The following CTU2 variants were observed in gnomAD, a reference collection of about 807,000 sequenced individuals.
The protein encoded by CTU2 is cytoplasmic tRNA 2-thiolation protein 2.
In CTU2, 80 loss-of-function variants were observed where a neutral mutation model predicts 64.1. That is an observed-to-expected ratio of 1.25 (90% CI 1.04 to 1.50). The LOEUF (loss-of-function observed/expected upper bound fraction) is 1.50. CTU2 is among the 40% of genes most tolerant of loss of function. CTU2 has a pLI of 0.00. For missense variants in CTU2, 1,110 were observed against 690.2 expected, an observed-to-expected ratio of 1.61 and a Z score of -6.81; for synonymous variants, 482 against 285.3, an observed-to-expected ratio of 1.69 and a Z score of -6.95.
intron 2 of CTU2, among the ~76,000 whole-genome samples, chr16:88,707,846 A>G (rs775989264): frequency 6.6e-6 from 1 of 151,404 alleles, no homozygotes; most frequent in African/African-American, 2.4e-5. Context: ...TCTGTCACCC[A>G]GGCTGGAGTG....
chr16:88,712,105 A>G, intron 5 of CTU2, 169 bp from the exon 6 acceptor site: 1 of 722,618 alleles, frequency 1.4e-6, no homozygotes, highest in Non-Finnish European at 2.5e-6. Context: ...GTCAGCCGCA[A>G]GAGAGAAACC....
chr16:88,710,012 A>G lies in CTU2; in HGVS notation c.218A>G (p.Glu73Gly), dbSNP rs1232527186. 6.2e-7 allele frequency: 1 copy of G among 1,613,684 alleles called. No homozygotes were observed. The highest frequency in any genetic ancestry group is 1.7e-5 in the Admixed American group (1 of 60,006). The change falls in exon 3 of 15, where the codon GAG (glutamate) becomes GGG (glycine). Residue 73 changes from glutamate to glycine, a missense_variant. By Grantham distance (98) the Glu-to-Gly change is moderately conservative. Transcript: ENST00000453996. The part of the protein sequence containing the change: ...LGKNRLIFPG[E>G]KVLLAWSGGP... ...AAGAACCGGCTCATCTTTCCAGGCGAGAAGGTAGCGTCTGGGTCCTGGGGG... is the reference window on the plus strand; with the variant it reads ...AAGAACCGGCTCATCTTTCCAGGCGGGAAGGTAGCGTCTGGGTCCTGGGGG...
rs757607044 is a variant in CTU2, at chr16:88,714,177, C to T, written c.1047C>T (p.Phe349=). 1.9e-6 allele frequency: 3 copies of T among 1,612,762 alleles called. No homozygotes were observed. The highest frequency in any genetic ancestry group is 1.1e-5 in the South Asian group (1 of 91,090). Residue 349 remains phenylalanine, a synonymous_variant, in exon 10 of 15, where the codon TTC becomes TTT. Transcript: ENST00000453996. ...GCATCCACCGGCTGATGGAGGCCTT[C>T]ATCCTCAGGCTGCAGACCCAGTTCC... is the stretch of plus-strand genomic sequence containing the variant. ...KASIHRLMEA[F]ILRLQTQFPS... is the part of the protein sequence containing the mutation.
In CTU2 at chr16:88,712,780, C is replaced by T. The variant is rs150639758; in HGVS notation, c.612C>T (p.Pro204=). Residue 204 remains proline (P), a synonymous_variant, in exon 7 of 15, where the codon CCC becomes CCT. Transcript: ENST00000453996. ...PGPTQGEEQP[P]QPPLDPQNLA... Reference sequence around the variant, plus strand: ...CGACTCAAGGGGAGGAACAGCCACCCCAGCCCCCGCTGGACCCCCAGAACC... The same window carrying T: ...CGACTCAAGGGGAGGAACAGCCACCTCAGCCCCCGCTGGACCCCCAGAACC... The T allele has an allele frequency of 2.0e-5, 32 of 1,608,054 alleles. No homozygotes were observed. Among genetic ancestry groups the T allele is most frequent in the Non-Finnish European group, 2.7e-5 (32 of 1,177,914 alleles).
intron 8 of CTU2, 82 bp from the exon 9 acceptor site, chr16:88,713,565 G>T: frequency 6.4e-7 from 1 of 1,566,668 alleles, no homozygotes; most frequent in Non-Finnish European, 8.7e-7. Context: ...GGTGGGGTCT[G>T]TGACCTCCCC....
Position 88,714,968 on chromosome 16 carries a change from C to T in CTU2, c.1419+42C>T, listed in dbSNP as rs150071367. 1.0e-3 allele frequency: 1,635 copies of T among 1,590,414 alleles called. 2 individuals are homozygous for T. The highest frequency in any genetic ancestry group is 1.5e-3 in the Middle Eastern group (9 of 6,024). ...CTGTCCTGGGCCGGGCTTGGGGACG[C>T]GGGAAGGCCGTCACCTCGTGGGTGG... On this transcript the variant is annotated intron_variant, in intron 13 of 14. Coordinates refer to ENST00000453996, the MANE Select transcript of CTU2 (RefSeq NM_001012759.3).
At chr16:88,712,174 G>A (rs1243000071) in intron 5 of CTU2, 100 bp from the exon 6 acceptor site, 10 of 1,002,360 alleles carry the variant, frequency 1.0e-5, no homozygotes, top group Non-Finnish European at 1.5e-5. Flanking sequence ...CCGCCCTGCG[G>A]AGCGAGGCCT....
intron 1 of CTU2, 192 bp from the exon 2 acceptor site, chr16:88,706,944 C>A: frequency 1.7e-6 from 1 of 603,868 alleles, no homozygotes; most frequent in Non-Finnish European, 2.9e-6. Context: ...CTTTTCTAGG[C>A]TAAACATCCC....
rs753981788 is a variant in CTU2 at position 88,713,429 on chromosome 16, C to T, written c.855C>T (p.Ala285=). The T allele has an allele frequency of 2.4e-5, 38 of 1,585,258 alleles. No individual in the cohort carries two copies. The highest frequency in any genetic ancestry group is 1.8e-4 in the East Asian group (8 of 44,078). The stretch of plus-strand genomic sequence containing the variant: ...CCAACCTGGCGCTGGGTCGAGGGGC[C>T]TTCCTGGCCTGGGATACGGTAGGCA... The part of the protein sequence containing the change: ...LMTNLALGRG[A]FLAWDTGFSD... Residue 285 remains alanine (A), a synonymous_variant, in exon 8 of 15, where the codon GCC becomes GCT. Transcript: ENST00000453996.
intron 2 of CTU2, among the ~76,000 whole-genome samples, chr16:88,707,779 G>C (rs1042880233): frequency 6.9e-6 from 1 of 145,700 alleles, no homozygotes; most frequent in Admixed American, 7.1e-5. Flanking sequence ...TTAATTCCCA[G>C]TGGTGGTGCG....
chr16:88,715,220 A>G lies in CTU2; in HGVS notation c.1517A>G (p.Glu506Gly). The G allele has an allele frequency of 6.2e-7, 1 of 1,612,338 alleles. No individual in the cohort carries two copies. The highest frequency in any genetic ancestry group is 8.5e-7 in the Non-Finnish European group (1 of 1,179,874). ...CAGGAGATCCGGGACTGTCTGATTGAGGACAGTGACGACGAGGCGGGCCAG... is the reference window on the plus strand; with the variant it reads ...CAGGAGATCCGGGACTGTCTGATTGGGGACAGTGACGACGAGGCGGGCCAG... ...GLQEIRDCLI[E>G]DSDDEAGQS is the part of the protein sequence containing the mutation. The change falls in exon 15 of 15, where the codon GAG (glutamate) becomes GGG (glycine). Residue 506 changes from glutamate (E) to glycine (G), a missense_variant. By Grantham distance (98) the Glu-to-Gly change is moderately conservative. Coordinates refer to ENST00000453996, the MANE Select transcript of CTU2 (RefSeq NM_001012759.3).
rs544100122 is a variant in CTU2, at chr16:88,709,884, G to A, written c.144-54G>A. 82 of 1,501,568 alleles carry A rather than the reference G, an allele frequency of 5.5e-5. No homozygotes were observed. In the South Asian group the frequency reaches 7.0e-4, roughly 13 times the overall value. The allele number at this position is 1,501,568 out of a possible 1,614,324, so 93.0% of individuals were successfully genotyped here. A position where few individuals can be genotyped will look rare whatever the true frequency, so the allele number is the denominator to read the frequency against. ...TCGTCACCTGGCAGCGCCTCAGGAC[G>A]CTGCTCACTGTGCGGGTAGCAGGCG... On this transcript the variant is annotated intron_variant, in intron 2 of 14. Coordinates refer to ENST00000453996, the MANE Select transcript of CTU2 (RefSeq NM_001012759.3).
intron 2 of CTU2, chr16:88,709,537 A>C (rs1911151992): frequency 5.7e-6 from 1 of 174,400 alleles, no homozygotes. Flanking sequence ...TTTCACCTCC[A>C]AGAGGTGGTG....
chr16:88,713,488 T>C (rs1911541888), intron 8 of CTU2, 41 bp downstream of exon 8: 1 of 1,556,508 alleles, frequency 6.4e-7, no homozygotes. Flanking sequence ...CATCCTCACC[T>C]TCACCCCTTC....
rs756506085 is a variant in CTU2, at chr16:88,712,658, G to A, written c.490G>A (p.Ala164Thr). The change falls in exon 7 of 15, where the codon GCC becomes ACC. Residue 164 changes from alanine to threonine, a missense_variant. Transcript: ENST00000453996. ...GCCACCGTCGGTGCTTTGGTGCTCTGCCCAGGAGCTGGTGGGATCCGAGGG... is the reference window on the plus strand; with the variant it reads ...GCCACCGTCGGTGCTTTGGTGCTCTACCCAGGAGCTGGTGGGATCCGAGGG... ...SLPPSVLWCSAQELVGSEGAY... is the reference protein window; with the variant it reads ...SLPPSVLWCSTQELVGSEGAY... 2 of 1,610,564 alleles carry A rather than the reference G, an allele frequency of 1.2e-6. No homozygotes were observed. Among genetic ancestry groups the A allele is most frequent in the African/African-American group, 1.3e-5 (1 of 74,958 alleles).
intron 14 of CTU2, 30 bp from the exon 15 acceptor site, chr16:88,715,152 G>T: frequency 6.2e-7 from 1 of 1,610,318 alleles, no homozygotes; most frequent in Non-Finnish European, 8.5e-7. Flanking sequence ...GGGGCCTCGG[G>T]GCTGGTGCCC....
At chr16:88,713,537 C>G (rs1349106216) in intron 8 of CTU2, 90 bp downstream of exon 8, 1 of 1,432,514 alleles carries the variant, frequency 7.0e-7, no homozygotes, top group African/African-American at 2.2e-5. Flanking sequence ...GCGTATCAGT[C>G]CTGCGGCCTC....
In CTU2 at chr16:88,712,622, G is replaced by A. The variant is rs780370940; in HGVS notation, c.454G>A (p.Val152Met). ...FPWHVVALEE[V>M]FSLPPSVLWC... ...ACTGGCGTCTCCCTCATCCCGGAAG[G>A]TGTTCAGCCTGCCACCGTCGGTGCT... The change falls in exon 7 of 15, where the codon GTG (valine) becomes ATG (methionine). Residue 152 changes from valine to methionine, a missense_variant and splice_region_variant. Transcript: ENST00000453996. 6.4e-5 allele frequency: 103 copies of A among 1,609,538 alleles called. No homozygotes were observed. The highest frequency in any genetic ancestry group is 8.6e-5 in the Non-Finnish European group (101 of 1,179,146).
Position 88,714,673 on chromosome 16 carries a change from CCGGGGCCCT to C in CTU2, c.1289_1297del (p.Pro430_Cys433delinsArg). ...CCCCCTGACTGAGACCCGGACACCC[CCGGGGCCCT>C]GCTGTTCTCCAGGGGTGGGCTGGGC... On this transcript the variant is annotated inframe_deletion, in exon 12 of 15. Coordinates refer to ENST00000453996, the MANE Select transcript of CTU2 (RefSeq NM_001012759.3). The C allele has an allele frequency of 6.2e-7, 1 of 1,612,412 alleles. No homozygotes were observed. The highest frequency in any genetic ancestry group is 8.5e-7 in the Non-Finnish European group (1 of 1,179,798).
Sources: allele counts gnomAD v4.1 joint callset (sites outside exome capture counted in the v4.1 genomes callset), GRCh38; gene constraint gnomAD v4.1.1; transcripts MANE v1.5; gene names NCBI Gene and HGNC (gene_info 2026-07-23, HGNC 2026-07-21).